Variants in DPYD observed in about 807,000 individuals in gnomAD.
DPYD encodes dihydropyrimidine dehydrogenase.
In DPYD, 109 loss-of-function variants were observed where a neutral mutation model predicts 116.2. The observed-to-expected ratio is 0.94, with a 90% CI of 0.80 to 1.10. The LOEUF is 1.10. Ranked by LOEUF, DPYD falls within the 50% of genes least tolerant of loss-of-function variation. DPYD has a pLI of 0.00. For missense variants in DPYD, 1,302 were observed against 1,254.5 expected (o/e 1.04, Z -0.57); for synonymous variants, 440 against 432.0 (o/e 1.02, Z -0.23).
chr1:97,535,169 G>A (rs916343150), intron 12 of DPYD, among the ~76,000 whole-genome samples: 4 of 152,020 alleles, frequency 2.6e-5, no homozygotes, highest in African/African-American at 7.2e-5. Flanking sequence ...TACCATCCTG[G>A]ATATTTTTTG....
intron 18 of DPYD, among the ~76,000 whole-genome samples, chr1:97,257,262 A>G (rs148138850): frequency 3.9e-4 from 60 of 152,000 alleles, no homozygotes; most frequent in African/African-American, 1.2e-3. Flanking sequence ...TAAAATCTCT[A>G]TATTTGATAT....
At chr1:97,169,823 G>A (rs1656594123) in intron 20 of DPYD, among the ~76,000 whole-genome samples, 2 of 152,068 alleles carry the variant, frequency 1.3e-5, no homozygotes, top group Admixed American at 6.6e-5. Flanking sequence ...GCCTTGGATT[G>A]TTGACATTCT....
chr1:97,313,497 C>CTGTGTGTG (rs58100703), intron 16 of DPYD, among the ~76,000 whole-genome samples: 5,002 of 148,696 alleles, frequency 0.034, 106 homozygotes, highest in Middle Eastern at 0.094. Context: ...ACATGTGTGC[C>CTGTGTGTG]TGTGTGTGTG....
rs1382685251 is a variant in DPYD at position 97,149,255 on chromosome 1, T to C, written c.2622+43814A>G. On this transcript the variant is annotated intron_variant, in intron 20 of 22. Coordinates refer to ENST00000370192, the MANE Select transcript of DPYD (RefSeq NM_000110.4). ...GTTTCACTTGTGAAATAGAGATAACTTTTTTTATTTTTTTGTAACAGAGTC... is the reference window on the plus strand; with the variant it reads ...GTTTCACTTGTGAAATAGAGATAACCTTTTTTATTTTTTTGTAACAGAGTC... 2.6e-5 allele frequency among the ~76,000 whole-genome samples: 4 copies of C among 152,246 alleles called. No individual in the cohort carries two copies. In the East Asian group the frequency reaches 7.8e-4, roughly 30 times the overall value.
chr1:97,747,596 T>C (rs951351056), intron 3 of DPYD, among the ~76,000 whole-genome samples: 1 of 152,176 alleles, frequency 6.6e-6, no homozygotes. Context: ...TTATAGAATG[T>C]CTATATTTAG....
At chr1:97,718,829 A>T (rs975574558) in intron 5 of DPYD, among the ~76,000 whole-genome samples, 2 of 151,810 alleles carry the variant, frequency 1.3e-5, no homozygotes, top group Non-Finnish European at 2.9e-5. Context: ...AATAATATAT[A>T]ATTCTTTCAA....
In DPYD at chr1:97,679,144, A is replaced by G; in HGVS notation, c.801T>C (p.Thr267=). 1 of 1,592,378 alleles carries G rather than the reference A, an allele frequency of 6.3e-7. No homozygotes were observed. Residue 267 remains threonine, a synonymous_variant, in exon 8 of 23, where the codon ACT becomes ACC. Transcript: ENST00000370192. The stretch of plus-strand genomic sequence containing the variant: ...AGCCTTTTTCTTTCAAAGTGCTAAG[A>G]GTCATTTCATTCACTGAAAGGCTTT... ...CGKSLSVNEM[T]LSTLKEKGYK...
chr1:97,326,605 A>T (rs1180591244), intron 16 of DPYD, among the ~76,000 whole-genome samples: 2 of 151,974 alleles, frequency 1.3e-5, no homozygotes, highest in African/African-American at 4.8e-5. Context: ...CCTAAAAAAG[A>T]TGTGGATGAA....
At chr1:97,094,291 AC>A (rs1310164545) in intron 21 of DPYD, among the ~76,000 whole-genome samples, 1 of 152,106 alleles carries the variant, frequency 6.6e-6, no homozygotes, top group African/African-American at 2.4e-5. Context: ...GATAAAACAA[AC>A]AGTCCTACAT....
intron 12 of DPYD, among the ~76,000 whole-genome samples, chr1:97,543,421 C>T (rs1346657429): frequency 6.6e-6 from 1 of 152,180 alleles, no homozygotes; most frequent in Non-Finnish European, 1.5e-5. Flanking sequence ...TTTCTCCCAA[C>T]ATGGATGTCT....
chr1:97,311,765 G>A (rs913964158), intron 16 of DPYD, among the ~76,000 whole-genome samples: 1 of 151,698 alleles, frequency 6.6e-6, no homozygotes, highest in African/African-American at 2.4e-5. Context: ...AAACACACTA[G>A]AGCTATATAC....
intron 3 of DPYD, among the ~76,000 whole-genome samples, chr1:97,804,019 G>A (rs1303933197): frequency 6.6e-6 from 1 of 151,742 alleles, no homozygotes; most frequent in Admixed American, 6.6e-5. Context: ...TTAAATCGAA[G>A]TAGTTTTATG....
chr1:97,627,974 C>A (rs1657031858), intron 8 of DPYD, among the ~76,000 whole-genome samples: 2 of 151,942 alleles, frequency 1.3e-5, no homozygotes. Context: ...TGAGTTGTAA[C>A]TATCTGCTAG....
chr1:97,576,332 C>T (rs895964279), intron 10 of DPYD, among the ~76,000 whole-genome samples: 2 of 152,112 alleles, frequency 1.3e-5, no homozygotes, highest in Admixed American at 6.5e-5. Context: ...TGTAACAGTA[C>T]TGTTTTCTGT....
chr1:97,154,671 A>T (rs1191241784), intron 20 of DPYD, among the ~76,000 whole-genome samples: 1 of 150,424 alleles, frequency 6.6e-6, no homozygotes, highest in Non-Finnish European at 1.5e-5. Flanking sequence ...AGATTGCGCC[A>T]CTGCCCTCCT....
intron 2 of DPYD, among the ~76,000 whole-genome samples, chr1:97,862,018 G>C (rs367824400): frequency 1.3e-5 from 2 of 151,838 alleles, no homozygotes; most frequent in Non-Finnish European, 2.9e-5. Context: ...ATGAATAGAA[G>C]TGTAGATCCT....
intron 7 of DPYD, among the ~76,000 whole-genome samples, chr1:97,689,443 C>G (rs1473665951): frequency 6.6e-6 from 1 of 151,750 alleles, no homozygotes; most frequent in African/African-American, 2.4e-5. Context: ...AAGTTCTGAA[C>G]AATTATTTGT....
intron 18 of DPYD, among the ~76,000 whole-genome samples, chr1:97,263,889 C>T (rs1195969469): frequency 6.6e-6 from 1 of 151,980 alleles, no homozygotes; most frequent in Non-Finnish European, 1.5e-5. Flanking sequence ...ATGTTAAACA[C>T]ATACTTCAGA....
intron 2 of DPYD, among the ~76,000 whole-genome samples, chr1:97,836,443 T>C (rs558710628): frequency 1.3e-5 from 2 of 152,196 alleles, no homozygotes; most frequent in Admixed American, 1.3e-4. Flanking sequence ...GGTATGGCTG[T>C]GTAATGCAGT....
Sources: allele counts gnomAD v4.1 joint callset (sites outside exome capture counted in the v4.1 genomes callset), GRCh38; gene constraint gnomAD v4.1.1; transcripts MANE v1.5; gene names NCBI Gene and HGNC (gene_info 2026-07-23, HGNC 2026-07-21).